RBMS3: variants seen among roughly 807,000 people sequenced by gnomAD.
RBMS3 encodes RNA binding motif single stranded interacting protein 3, also known as RNA-binding motif, single-stranded-interacting protein 3.
RBMS3 carries 27 observed loss-of-function variants against 66.8 expected under a neutral mutation model. The ratio of observed to expected loss-of-function variants is 0.40; its 90% CI spans 0.30 to 0.56. The LOEUF is 0.56. RBMS3 is among the 20% of genes least tolerant of loss of function. The pLI, the probability that RBMS3 is intolerant of heterozygous loss-of-function variation, is 0.40. For missense variants in RBMS3, 513 were observed against 549.5 expected, an observed-to-expected ratio of 0.93 and a Z score of 0.66; for synonymous variants, 188 against 183.0, an observed-to-expected ratio of 1.03 and a Z score of -0.22.
At chr3:29,431,667 AT>A (rs2041212043) in intron 1 of RBMS3, among the ~76,000 whole-genome samples, 3 of 152,004 alleles carry the variant, frequency 2.0e-5, no homozygotes, top group Non-Finnish European at 4.4e-5. Context: ...TCACTTGTGC[AT>A]TTCTCAACTG....
chr3:29,320,356 G>A (rs2034933631), intron 1 of RBMS3, among the ~76,000 whole-genome samples: 1 of 151,930 alleles, frequency 6.6e-6, no homozygotes. Flanking sequence ...ATGCTCTAAA[G>A]GAATTTCATG....
chr3:29,586,296 G>A (rs1439417898), intron 3 of RBMS3, among the ~76,000 whole-genome samples: 3 of 152,034 alleles, frequency 2.0e-5, no homozygotes, highest in Non-Finnish European at 2.9e-5. Flanking sequence ...CATACAAAAT[G>A]GACTTTTCAT....
chr3:29,702,999 A>G (rs772718272), intron 4 of RBMS3, among the ~76,000 whole-genome samples: 1 of 152,242 alleles, frequency 6.6e-6, no homozygotes, highest in Non-Finnish European at 1.5e-5. Flanking sequence ...TTAAGTGTTC[A>G]TGTTAGCACT....
chr3:29,428,184 T>G (rs17666332), intron 1 of RBMS3, among the ~76,000 whole-genome samples: 29,944 of 152,050 alleles, frequency 0.2, 3,591 homozygotes, highest in Non-Finnish European at 0.28. Context: ...CTGGATCTAC[T>G]TAAAATAGTG....
intron 5 of RBMS3, among the ~76,000 whole-genome samples, chr3:29,757,490 G>A (rs1482722789): frequency 6.6e-6 from 1 of 152,128 alleles, no homozygotes; most frequent in Admixed American, 6.5e-5. Context: ...TCTCATACCT[G>A]ACACAGAACT....
chr3:29,551,075 G>A (rs1191216406), intron 3 of RBMS3, among the ~76,000 whole-genome samples: 1 of 152,194 alleles, frequency 6.6e-6, no homozygotes, highest in Non-Finnish European at 1.5e-5. Flanking sequence ...AAGAAACAAT[G>A]TCTTTCACGT....
chr3:29,702,216 C>A (rs1158391578), intron 4 of RBMS3, among the ~76,000 whole-genome samples: 1 of 151,612 alleles, frequency 6.6e-6, no homozygotes, highest in Non-Finnish European at 1.5e-5. Flanking sequence ...ATTGTAAATC[C>A]ACCAATCAGC....
Position 29,527,181 on chromosome 3 carries a change from T to TTAAAAAAAAAAAAAAAAAAAAAAAAAA in RBMS3, c.307+38682_307+38683insTAAAAAAAAAAAAAAAAAAAAAAAAAA, listed in dbSNP as rs1491567884. ...TTTCAGACGTGATTGTTAGGTAGAG[T>TTAAAAAAAAAAAAAAAAAAAAAAAAAA]AAAAAAAAAAAAAAAAAAAAAAAAA... On this transcript the variant is annotated intron_variant, in intron 3 of 14. Coordinates refer to ENST00000383767, the MANE Select transcript of RBMS3 (RefSeq NM_001003793.3). Among the ~76,000 whole-genome samples the TTAAAAAAAAAAAAAAAAAAAAAAAAAA allele has an allele frequency of 3.9e-4, 34 of 87,818 alleles. 5 individuals carry two copies. Among genetic ancestry groups the TTAAAAAAAAAAAAAAAAAAAAAAAAAA allele is most frequent in the African/African-American group, 1.2e-3 (26 of 21,072 alleles). The allele number at this position is 87,818 out of a possible 152,430, so 57.6% of individuals were successfully genotyped here. A position where few individuals can be genotyped will look rare whatever the true frequency, so the allele number is the denominator to read the frequency against.
At chr3:29,674,774 A>G (rs572315636) in intron 4 of RBMS3, among the ~76,000 whole-genome samples, 33 of 151,934 alleles carry the variant, frequency 2.2e-4, no homozygotes, top group East Asian at 1.9e-4. Flanking sequence ...AAATGGAAGA[A>G]CATTCCATGC....
chr3:29,392,730 C>T (rs2039358007), intron 1 of RBMS3, among the ~76,000 whole-genome samples: 1 of 152,060 alleles, frequency 6.6e-6, no homozygotes. Context: ...CACACAGACA[C>T]ACAAACACAC....
At chr3:29,347,616 G>T (rs558915085) in intron 1 of RBMS3, among the ~76,000 whole-genome samples, 1 of 152,252 alleles carries the variant, frequency 6.6e-6, no homozygotes, top group South Asian at 2.1e-4. Flanking sequence ...TGGATTCCAC[G>T]CAGTTTCCAA....
intron 4 of RBMS3, among the ~76,000 whole-genome samples, chr3:29,658,817 G>C (rs1208536650): frequency 6.6e-6 from 1 of 152,088 alleles, no homozygotes; most frequent in South Asian, 2.1e-4. Context: ...GCTGTTTTTT[G>C]TTTGTTTGCT....
At chr3:29,930,230 G>C (rs1174199324) in intron 10 of RBMS3, among the ~76,000 whole-genome samples, 4 of 147,708 alleles carry the variant, frequency 2.7e-5, no homozygotes, top group Admixed American at 6.9e-5. Flanking sequence ...TCCTGCCTCA[G>C]CCTCCGAAGT....
intron 6 of RBMS3, among the ~76,000 whole-genome samples, chr3:29,829,095 A>G (rs2058294482): frequency 6.7e-6 from 1 of 149,742 alleles, no homozygotes; most frequent in Non-Finnish European, 1.5e-5. Context: ...CCCAGGCTGG[A>G]GTATAATGGC....
At position 29,868,939 on chromosome 3, in the gene RBMS3, G is replaced by A; in HGVS notation, c.719G>A (p.Gly240Glu). Residue 240 changes from glycine (G) to glutamate (E), a missense_variant, in exon 7 of 15, where the codon GGG becomes GAG. Coordinates refer to ENST00000383767, the MANE Select transcript of RBMS3 (RefSeq NM_001003793.3). ...AATCAAAGCAAATATACCCAGAATGGGAGGCCTTGGCCCAGGGAAGGAGAG... is the reference window on the plus strand; with the variant it reads ...AATCAAAGCAAATATACCCAGAATGAGAGGCCTTGGCCCAGGGAAGGAGAG... ...RQNQSKYTQN[G>E]RPWPREGEAG... The A allele has an allele frequency of 6.2e-7, 1 of 1,600,082 alleles. No individual in the cohort carries two copies. The highest frequency in any genetic ancestry group is 8.5e-7 in the Non-Finnish European group (1 of 1,172,388).
intron 6 of RBMS3, among the ~76,000 whole-genome samples, chr3:29,828,977 A>ACTTACTTTCTTTCTTT (rs1357556124): frequency 4.1e-5 from 4 of 98,608 alleles, no homozygotes; most frequent in African/African-American, 1.6e-4. Context: ...TTAGCGAGTG[A>ACTTACTTTCTTTCTTT]CTTTCTTTCT....
At chr3:30,000,543 A>G (rs541275450) in intron 14 of RBMS3, among the ~76,000 whole-genome samples, 6 of 152,322 alleles carry the variant, frequency 3.9e-5, no homozygotes, top group African/African-American at 1.4e-4. Context: ...TACTGGGTAT[A>G]TACCCAAAGG....
At chr3:29,533,514 C>T (rs113341864) in intron 3 of RBMS3, among the ~76,000 whole-genome samples, 9,969 of 151,848 alleles carry the variant, frequency 0.066, 391 homozygotes, top group South Asian at 0.12. Context: ...TGGTGGCTCA[C>T]ACCTGTAAAT....
At chr3:29,430,181 A>G (rs2041124631) in intron 1 of RBMS3, among the ~76,000 whole-genome samples, 1 of 152,154 alleles carries the variant, frequency 6.6e-6, no homozygotes, top group Non-Finnish European at 1.5e-5. Context: ...TATAATGCTG[A>G]CCGCTACCTG....
Sources: allele counts gnomAD v4.1 joint callset (sites outside exome capture counted in the v4.1 genomes callset), GRCh38; gene constraint gnomAD v4.1.1; transcripts MANE v1.5; gene names NCBI Gene and HGNC (gene_info 2026-07-23, HGNC 2026-07-21).